Variants in AGBL1 observed in about 807,000 individuals in gnomAD.
The protein encoded by AGBL1 is cytosolic carboxypeptidase 4.
In AGBL1, 130 loss-of-function variants were observed where a neutral mutation model predicts 118.9. The observed-to-expected ratio is 1.09, with a 90% CI of 0.95 to 1.26. The LOEUF is 1.26. AGBL1 is among the 50% of genes most tolerant of loss of function. The pLI, the probability that AGBL1 is intolerant of heterozygous loss-of-function variation, is 0.00. For missense variants in AGBL1, 1,584 were observed against 1,298.1 expected (o/e 1.22, Z -3.38); for synonymous variants, 555 against 478.9 (o/e 1.16, Z -2.08).
intron 22 of AGBL1, among the ~76,000 whole-genome samples, chr15:86,696,711 A>T (rs932068310): frequency 5.9e-5 from 9 of 151,838 alleles, no homozygotes; most frequent in Non-Finnish European, 2.9e-5. Context: ...TCATGCTTTA[A>T]AGAGGTTCTA....
chr15:86,142,088 T>C (rs780566547), intron 2 of AGBL1, 21 bp downstream of exon 2: 1 of 1,549,156 alleles, frequency 6.5e-7, no homozygotes, highest in Non-Finnish European at 8.7e-7. Context: ...CATGCTCTCA[T>C]GCTTTCATAT....
intron 23 of AGBL1, among the ~76,000 whole-genome samples, chr15:86,972,949 A>G (rs1392326856): frequency 6.6e-6 from 1 of 151,970 alleles, no homozygotes; most frequent in Non-Finnish European, 1.5e-5. Context: ...TTTCATTATA[A>G]TCTTGGTATA....
At chr15:86,573,558 TTC>T (rs1419984966) in intron 21 of AGBL1, among the ~76,000 whole-genome samples, 14 of 152,238 alleles carry the variant, frequency 9.2e-5, no homozygotes, top group African/African-American at 3.4e-4. Context: ...TCCTTGATTT[TTC>T]TTTTATCCTA....
At chr15:86,622,099 G>A (rs935383525) in intron 21 of AGBL1, among the ~76,000 whole-genome samples, 4 of 152,048 alleles carry the variant, frequency 2.6e-5, no homozygotes, top group Non-Finnish European at 4.4e-5. Context: ...AGGCTGAGGC[G>A]GGCTGATCAC....
Position 86,540,156 on chromosome 15 carries a change from A to G in AGBL1, c.2686-5846A>G, listed in dbSNP as rs187486563. Reference sequence around the variant, plus strand: ...ATCTAGATTAAATTTTTAGCATGCTATCTAGAGTCTTCAATAAATTAACTA... The same window carrying G: ...ATCTAGATTAAATTTTTAGCATGCTGTCTAGAGTCTTCAATAAATTAACTA... On this transcript the variant is annotated intron_variant, in intron 19 of 22. Coordinates refer to ENST00000614907, the MANE Select transcript of AGBL1 (RefSeq NM_001386094.1). Among the ~76,000 whole-genome samples, 79 of 152,286 alleles carry G rather than the reference A, an allele frequency of 5.2e-4. 1 individual carries two copies. The highest frequency in any genetic ancestry group is 8.4e-4 in the Non-Finnish European group (57 of 68,022).
chr15:86,456,804 A>G (rs935008413), intron 18 of AGBL1, among the ~76,000 whole-genome samples: 1 of 152,168 alleles, frequency 6.6e-6, no homozygotes, highest in Non-Finnish European at 1.5e-5. Context: ...TGTCAGTTTT[A>G]CCGGATTGGT....
chr15:86,886,700 A>G (rs1252324651), intron 22 of AGBL1, among the ~76,000 whole-genome samples: 1 of 152,170 alleles, frequency 6.6e-6, no homozygotes, highest in African/African-American at 2.4e-5. Flanking sequence ...CATTGGGTTT[A>G]TTTTAAGCTG....
chr15:86,911,676 T>C lies in AGBL1; in HGVS notation c.*4382T>C, dbSNP rs2080354058. 1 of 152,164 alleles carries C rather than the reference T, an allele frequency of 6.6e-6. No homozygotes were observed. The highest frequency in any genetic ancestry group is 1.5e-5 in the Non-Finnish European group (1 of 68,048). 9.4% of individuals were successfully genotyped at this position (152,164 alleles called of 1,614,324 possible). ...TTCTTAAGCCACACAGCTCCCTAAA[T>C]GTACTTTTTGATTTTTCTAACATTT... On this transcript the variant is annotated 3_prime_UTR_variant, in exon 23 of 23. Coordinates refer to ENST00000614907, the MANE Select transcript of AGBL1 (RefSeq NM_001386094.1).
At chr15:86,638,511 C>G (rs1014367797) in intron 21 of AGBL1, among the ~76,000 whole-genome samples, 2 of 152,208 alleles carry the variant, frequency 1.3e-5, no homozygotes, top group African/African-American at 4.8e-5. Context: ...CAAGCAGTTG[C>G]TCTGGTGGGG....
intron 23 of AGBL1, among the ~76,000 whole-genome samples, chr15:86,924,021 T>C (rs746256059): frequency 1.3e-5 from 2 of 152,238 alleles, no homozygotes; most frequent in Non-Finnish European, 2.9e-5. Flanking sequence ...GCAGTCTCCA[T>C]AAATACGTGT....
chr15:86,977,403 A>T (rs1458867971), intron 23 of AGBL1, among the ~76,000 whole-genome samples: 3 of 149,144 alleles, frequency 2.0e-5, no homozygotes, highest in Non-Finnish European at 4.5e-5. Context: ...TTTTTTTTTT[A>T]CTATTGTGAT....
At chr15:86,460,209 A>G (rs1210111776) in intron 18 of AGBL1, among the ~76,000 whole-genome samples, 2 of 148,340 alleles carry the variant, frequency 1.3e-5, no homozygotes, top group East Asian at 4.1e-4. Flanking sequence ...ATTGGATGAT[A>G]GGCATCTCAC....
chr15:86,619,860 T>C (rs977706765), intron 21 of AGBL1, among the ~76,000 whole-genome samples: 6 of 152,200 alleles, frequency 3.9e-5, no homozygotes, highest in Admixed American at 1.3e-4. Context: ...TCAAAGGAAC[T>C]GAAATGTACA....
At chr15:86,927,138 T>G (rs1453401227) in intron 23 of AGBL1, among the ~76,000 whole-genome samples, 1 of 150,054 alleles carries the variant, frequency 6.7e-6, no homozygotes, top group Non-Finnish European at 1.5e-5. Flanking sequence ...GACTCCATCT[T>G]AAAAATAAAT....
At chr15:86,891,621 G>A (rs1424364003) in intron 22 of AGBL1, among the ~76,000 whole-genome samples, 4 of 151,524 alleles carry the variant, frequency 2.6e-5, no homozygotes, top group African/African-American at 9.7e-5. Flanking sequence ...TCTTTTGAAT[G>A]CTGAAACAAT....
chr15:86,983,321 CCCAGACCATGG>C (rs1403531751), intron 23 of AGBL1, among the ~76,000 whole-genome samples: 1 of 152,108 alleles, frequency 6.6e-6, no homozygotes. Flanking sequence ...ACTATCATCT[CCCAGACCATGG>C]CTAATCTATT....
At chr15:86,596,389 G>T (rs1049864187) in intron 21 of AGBL1, among the ~76,000 whole-genome samples, 1 of 152,086 alleles carries the variant, frequency 6.6e-6, no homozygotes, top group East Asian at 1.9e-4. Context: ...CATTCAGAAG[G>T]CTCTTATGTA....
Position 86,229,002 on chromosome 15 carries a change from C to A in AGBL1, c.526+4051C>A, listed in dbSNP as rs73447661. On this transcript the variant is annotated intron_variant, in intron 6 of 22. Transcript: ENST00000614907. ...TCAGTTCCCCTCTTCTCCACTCTCA[C>A]ATGCACAAATCCCACCCTAAATTGT... 3.9e-3 allele frequency among the ~76,000 whole-genome samples: 601 copies of A among 152,324 alleles called. 2 individuals are homozygous for A. Among genetic ancestry groups the A allele is most frequent in the African/African-American group, 0.014 (582 of 41,574 alleles).
intron 21 of AGBL1, among the ~76,000 whole-genome samples, chr15:86,651,312 A>G (rs554825893): frequency 4.3e-4 from 65 of 152,286 alleles, no homozygotes; most frequent in Non-Finnish European, 7.9e-4. Context: ...GACTCAGACA[A>G]TCTAACTAGT....
Sources: allele counts gnomAD v4.1 joint callset (sites outside exome capture counted in the v4.1 genomes callset), GRCh38; gene constraint gnomAD v4.1.1; transcripts MANE v1.5; gene names NCBI Gene and HGNC (gene_info 2026-07-23, HGNC 2026-07-21).